The following PCDH9 variants were observed in gnomAD, a reference collection of about 807,000 sequenced individuals.
The protein encoded by PCDH9 is protocadherin-9.
A neutral mutation model predicts 70.6 loss-of-function variants in PCDH9; 24 were observed. That is an observed-to-expected ratio of 0.34 (90% CI 0.25 to 0.48). The LOEUF (loss-of-function observed/expected upper bound fraction) is 0.48. Among genes scored for constraint, PCDH9 ranks in the 20% least tolerant of loss-of-function variants. The probability of loss-of-function intolerance (pLI) is 0.99; values close to 1 mark genes in which losing one functional copy is unlikely to be tolerated. For synonymous variants in PCDH9, 562 were observed against 558.5 expected (o/e 1.01, Z -0.09); for missense variants, 1,281 against 1,503.6 (o/e 0.85, Z 2.45).
At chr13:66,450,514 A>G (rs1211026072) in intron 4 of PCDH9, among the ~76,000 whole-genome samples, 2 of 152,222 alleles carry the variant, frequency 1.3e-5, no homozygotes, top group Non-Finnish European at 2.9e-5. Context: ...AGAAGGATCT[A>G]TACTATTTCA....
intron 4 of PCDH9, among the ~76,000 whole-genome samples, chr13:66,500,224 C>T (rs1218967826): frequency 6.6e-6 from 1 of 151,904 alleles, no homozygotes; most frequent in East Asian, 1.9e-4. Context: ...AATTGTAATC[C>T]CTTTGCATGT....
At chr13:66,844,488 G>A (rs1394906547) in intron 3 of PCDH9, among the ~76,000 whole-genome samples, 1 of 151,910 alleles carries the variant, frequency 6.6e-6, no homozygotes, top group Non-Finnish European at 1.5e-5. Flanking sequence ...AGGAGTGTGA[G>A]GCAGGAGAAT....
chr13:66,555,609 C>T (rs1307272656), intron 4 of PCDH9, among the ~76,000 whole-genome samples: 2 of 150,298 alleles, frequency 1.3e-5, no homozygotes, highest in Admixed American at 6.7e-5. Context: ...TCAACGGTCT[C>T]CATTAAAACT....
intron 4 of PCDH9, among the ~76,000 whole-genome samples, chr13:66,585,207 T>G (rs958155271): frequency 6.6e-6 from 1 of 152,158 alleles, no homozygotes; most frequent in Non-Finnish European, 1.5e-5. Context: ...ATTAAATGCA[T>G]ATATGCATTA....
chr13:66,803,512 A>G (rs962081132), intron 3 of PCDH9, among the ~76,000 whole-genome samples: 3 of 152,082 alleles, frequency 2.0e-5, no homozygotes, highest in African/African-American at 7.2e-5. Context: ...AACTCCACCA[A>G]TCGCCCCAGC....
intron 4 of PCDH9, among the ~76,000 whole-genome samples, chr13:66,588,277 C>G (rs940802316): frequency 1.3e-5 from 2 of 151,858 alleles, no homozygotes; most frequent in African/African-American, 2.4e-5. Flanking sequence ...ACAACCTTTT[C>G]CATTTACCTT....
chr13:67,225,082 G>T (rs1328197909), intron 2 of PCDH9: 3 of 1,180,330 alleles, frequency 2.5e-6, no homozygotes, highest in East Asian at 4.5e-5. Context: ...AAACCCCCAG[G>T]AGCAGAATTT....
intron 2 of PCDH9, among the ~76,000 whole-genome samples, chr13:66,918,455 G>A (rs1456935814): frequency 6.6e-6 from 1 of 151,066 alleles, no homozygotes; most frequent in Non-Finnish European, 1.5e-5. Context: ...TTTTTAAACT[G>A]GTAGGAGACT....
At chr13:66,460,041 C>T (rs1001125851) in intron 4 of PCDH9, among the ~76,000 whole-genome samples, 8 of 151,846 alleles carry the variant, frequency 5.3e-5, no homozygotes, top group African/African-American at 1.9e-4. Context: ...TGTATGGTAT[C>T]ATTTGAAAAC....
chr13:67,154,595 A>AAAAATATATATATATAT (rs1555313195), intron 2 of PCDH9, among the ~76,000 whole-genome samples: 8 of 88,988 alleles, frequency 9.0e-5, no homozygotes, highest in African/African-American at 3.1e-4. Flanking sequence ...AAAAAAAAAA[A>AAAAATATATATATATAT]ATATATATAT....
intron 4 of PCDH9, among the ~76,000 whole-genome samples, chr13:66,486,518 C>T (rs546450672): frequency 5.3e-5 from 8 of 151,858 alleles, no homozygotes; most frequent in African/African-American, 1.7e-4. Context: ...TGCCTGTAGT[C>T]CCAGCTACTT....
Position 66,473,353 on chromosome 13 carries a change from A to G in PCDH9, c.3340+157857T>C, listed in dbSNP as rs563075073. Among the ~76,000 whole-genome samples the G allele has an allele frequency of 9.9e-5, 15 of 151,922 alleles. No homozygotes were observed. In the South Asian group the frequency reaches 3.1e-3, roughly 32 times the overall value. ...CAATAATATTTCTAATACAAATACG[A>G]ATTATAAGTTAATAACAATAAAGCT... On this transcript the variant is annotated intron_variant, in intron 4 of 4. Coordinates refer to ENST00000377865, the MANE Select transcript of PCDH9 (RefSeq NM_203487.3).
intron 4 of PCDH9, among the ~76,000 whole-genome samples, chr13:66,583,656 T>C (rs2076925262): frequency 6.6e-6 from 1 of 152,142 alleles, no homozygotes; most frequent in African/African-American, 2.4e-5. Flanking sequence ...AGTTTGTTAT[T>C]TCTTGTTCTA....
chr13:66,592,944 G>T (rs2077055903), intron 4 of PCDH9, among the ~76,000 whole-genome samples: 1 of 151,642 alleles, frequency 6.6e-6, no homozygotes, highest in African/African-American at 2.4e-5. Context: ...GATTTTCTAT[G>T]ATCTTAAATA....
intron 3 of PCDH9, among the ~76,000 whole-genome samples, chr13:66,805,895 A>T (rs760680360): frequency 3.9e-5 from 6 of 152,010 alleles, no homozygotes; most frequent in Non-Finnish European, 8.8e-5. Context: ...CTGTTTTATG[A>T]CTTTTTTTCC....
intron 4 of PCDH9, among the ~76,000 whole-genome samples, chr13:66,507,701 TGTTTG>T (rs1417683506): frequency 9.3e-5 from 2 of 21,534 alleles, no homozygotes; most frequent in African/African-American, 1.7e-4. Context: ...CTTTCTTTTT[TGTTTG>T]TTTGTTTGTT....
intron 4 of PCDH9, among the ~76,000 whole-genome samples, chr13:66,553,884 C>CA (rs1313134182): frequency 6.6e-6 from 1 of 151,970 alleles, no homozygotes; most frequent in South Asian, 2.1e-4. Flanking sequence ...ACTTTATATA[C>CA]AAAAATAATA....
chr13:66,900,692 C>T (rs1027352769), intron 3 of PCDH9, among the ~76,000 whole-genome samples: 2 of 151,550 alleles, frequency 1.3e-5, no homozygotes, highest in Non-Finnish European at 1.5e-5. Context: ...TATTATGTAT[C>T]TAGTGTCATA....
rs150877628 is a variant in PCDH9 at position 66,793,770 on chromosome 13, C to T, written c.3138+109734G>A. 2.2e-3 allele frequency among the ~76,000 whole-genome samples: 339 copies of T among 152,186 alleles called. 8 individuals carry two copies. Among genetic ancestry groups the T allele is most frequent in the Admixed American group, 0.021 (320 of 15,274 alleles). The stretch of plus-strand genomic sequence containing the variant: ...GCTGAAAACTTTAACATCTGTTGTG[C>T]TTGATTATTGGAGCTTTATTTTCAT... On this transcript the variant is annotated intron_variant, in intron 3 of 4. Transcript: ENST00000377865.
Sources: gnomAD v4.1 joint callset for allele counts (sites outside exome capture counted in the v4.1 genomes callset) on GRCh38, gnomAD v4.1.1 for gene constraint, MANE v1.5 for transcripts, NCBI Gene and HGNC (gene_info 2026-07-23, HGNC 2026-07-21) for gene names.